The following MSI2 variants were observed in gnomAD, a reference collection of about 807,000 sequenced individuals.
The protein encoded by MSI2 is RNA-binding protein Musashi homolog 2.
MSI2 carries 17 observed loss-of-function variants against 45.6 expected under a neutral mutation model. The observed-to-expected ratio is 0.37, with a 90% CI of 0.26 to 0.56. MSI2 has a LOEUF of 0.56. Among genes scored for constraint, MSI2 ranks in the 20% least tolerant of loss-of-function variants. The pLI, the probability that MSI2 is intolerant of heterozygous loss-of-function variation, is 0.77. For synonymous variants in MSI2, 156 were observed against 158.2 expected (o/e 0.99, Z 0.11); for missense variants, 293 against 444.2 (o/e 0.66, Z 3.06).
At chr17:57,583,951 C>G (rs2144382081) in intron 7 of MSI2, among the ~76,000 whole-genome samples, 1 of 152,356 alleles carries the variant, frequency 6.6e-6, no homozygotes, top group South Asian at 2.1e-4. Context: ...TAGACTGATG[C>G]ATCTTACATT....
At chr17:57,664,264 A>G (rs1458498698) in intron 11 of MSI2, among the ~76,000 whole-genome samples, 1 of 152,230 alleles carries the variant, frequency 6.6e-6, no homozygotes, top group East Asian at 1.9e-4. Context: ...CACGCCTGTA[A>G]TCCCAGCACT....
At chr17:57,398,736 A>G (rs1055089274) in intron 5 of MSI2, among the ~76,000 whole-genome samples, 4 of 152,238 alleles carry the variant, frequency 2.6e-5, no homozygotes, top group African/African-American at 2.4e-5. Context: ...GCTAATCATT[A>G]TATCTTCATT....
chr17:57,368,970 T>C (rs1437649384), intron 5 of MSI2, among the ~76,000 whole-genome samples: 1 of 152,078 alleles, frequency 6.6e-6, no homozygotes, highest in South Asian at 2.1e-4. Context: ...TCTGTGGGGG[T>C]CAGAAATAGG....
intron 5 of MSI2, among the ~76,000 whole-genome samples, chr17:57,348,571 C>T (rs1598154266): frequency 6.6e-6 from 1 of 152,130 alleles, no homozygotes; most frequent in African/African-American, 2.4e-5. Context: ...GCACCTCTTC[C>T]CTCTCCTTCT....
At chr17:57,374,398 C>T (rs1255500999) in intron 5 of MSI2, among the ~76,000 whole-genome samples, 1 of 152,172 alleles carries the variant, frequency 6.6e-6, no homozygotes. Context: ...CTTTAACTTC[C>T]TCAATATTTT....
intron 10 of MSI2, among the ~76,000 whole-genome samples, chr17:57,635,641 C>T (rs1225579780): frequency 6.6e-6 from 1 of 152,260 alleles, no homozygotes; most frequent in Non-Finnish European, 1.5e-5. Flanking sequence ...TGTGTGCAAA[C>T]GGCAGGGGCA....
chr17:57,535,053 G>A (rs2086894018), intron 7 of MSI2, among the ~76,000 whole-genome samples: 1 of 152,242 alleles, frequency 6.6e-6, no homozygotes, highest in Non-Finnish European at 1.5e-5. Flanking sequence ...TGTCCTTCCA[G>A]TTTGCTCTGT....
At chr17:57,256,321 C>T (rs891368828), upstream of MSI2, among the ~76,000 whole-genome samples, 2 of 151,574 alleles carry the variant, frequency 1.3e-5, no homozygotes, top group Admixed American at 1.3e-4. Flanking sequence ...CCTTGTGGGT[C>T]CGGCCGTGGG....
chr17:57,554,681 C>T (rs2087390194), intron 7 of MSI2, among the ~76,000 whole-genome samples: 1 of 152,248 alleles, frequency 6.6e-6, no homozygotes, highest in Non-Finnish European at 1.5e-5. Context: ...TATCTCATTT[C>T]ACCTTCAGGC....
chr17:57,496,495 C>T (rs915801959), intron 6 of MSI2, among the ~76,000 whole-genome samples: 1 of 152,218 alleles, frequency 6.6e-6, no homozygotes. Context: ...CCTTCCAGAG[C>T]CTAATTGTTT....
At chr17:57,400,854 C>A (rs929887450) in intron 5 of MSI2, among the ~76,000 whole-genome samples, 1 of 152,012 alleles carries the variant, frequency 6.6e-6, no homozygotes, top group African/African-American at 2.4e-5. Flanking sequence ...AGGAGGAATC[C>A]TGGACAAAGC....
intron 6 of MSI2, among the ~76,000 whole-genome samples, chr17:57,438,734 G>A (rs959577491): frequency 3.9e-5 from 6 of 152,084 alleles, no homozygotes; most frequent in East Asian, 1.9e-4. Context: ...GAGGAGCAGA[G>A]CAGACCCATG....
intron 6 of MSI2, among the ~76,000 whole-genome samples, chr17:57,503,664 T>A (rs2086163889): frequency 6.6e-6 from 1 of 152,196 alleles, no homozygotes; most frequent in Admixed American, 6.5e-5. Context: ...GAGTCCTGGG[T>A]CTGGGGTGAG....
intron 6 of MSI2, among the ~76,000 whole-genome samples, chr17:57,433,481 C>A (rs746963943): frequency 2.0e-5 from 3 of 152,260 alleles, no homozygotes; most frequent in Non-Finnish European, 2.9e-5. Flanking sequence ...AAGGCAGGAG[C>A]AAGGCATGGG....
intron 6 of MSI2, among the ~76,000 whole-genome samples, chr17:57,415,356 GCCAGA>G (rs2084274959): frequency 1.8e-5 from 2 of 110,864 alleles, no homozygotes; most frequent in African/African-American, 4.5e-5. Context: ...GGCATTTACT[GCCAGA>G]CTGTCGGGAA....
At chr17:57,293,867 C>A (rs1910694842) in intron 5 of MSI2, among the ~76,000 whole-genome samples, 1 of 150,598 alleles carries the variant, frequency 6.6e-6, no homozygotes, top group South Asian at 2.1e-4. Context: ...CTCAGCCTCC[C>A]AAAATGCTGG....
intron 6 of MSI2, among the ~76,000 whole-genome samples, chr17:57,411,562 T>C (rs76917902): frequency 0.011 from 1,734 of 152,284 alleles, 33 homozygotes; most frequent in African/African-American, 0.039. Flanking sequence ...TAAATGACTA[T>C]GTAAGACCCC....
At chr17:57,546,042 A>G (rs1219823071) in intron 7 of MSI2, among the ~76,000 whole-genome samples, 1 of 152,200 alleles carries the variant, frequency 6.6e-6, no homozygotes, top group Non-Finnish European at 1.5e-5. Flanking sequence ...TGCGAAGGCC[A>G]CAGTCAGCGG....
intron 5 of MSI2, among the ~76,000 whole-genome samples, chr17:57,310,757 C>T (rs929107995): frequency 1.3e-5 from 2 of 152,198 alleles, no homozygotes; most frequent in East Asian, 1.9e-4. Context: ...GAGTGCCTCA[C>T]TTGACTCTTT....
Sources: gnomAD v4.1 joint callset for allele counts (sites outside exome capture counted in the v4.1 genomes callset) on GRCh38, gnomAD v4.1.1 for gene constraint, MANE v1.5 for transcripts, NCBI Gene and HGNC (gene_info 2026-07-23, HGNC 2026-07-21) for gene names.